ZNF420: variants seen among roughly 807,000 people sequenced by gnomAD.
ZNF420 encodes the protein ATM and p53-associated KZNF protein.
In ZNF420, 31 loss-of-function variants were observed where a neutral mutation model predicts 44.7. The observed-to-expected ratio is 0.69, with a 90% CI of 0.52 to 0.94. The LOEUF is 0.94. Ranked by LOEUF, ZNF420 falls within the 40% of genes least tolerant of loss-of-function variation. The probability of loss-of-function intolerance (pLI) is 0.00; values close to 1 mark genes in which losing one functional copy is unlikely to be tolerated. For synonymous variants in ZNF420, 245 were observed against 267.4 expected, an observed-to-expected ratio of 0.92 and a Z score of 0.82; for missense variants, 681 against 827.9, an observed-to-expected ratio of 0.82 and a Z score of 2.18.
chr19:37,020,855 T>G (rs1309268543), intron 1 of ZNF420, among the ~76,000 whole-genome samples: 2 of 152,108 alleles, frequency 1.3e-5, no homozygotes, highest in Non-Finnish European at 2.9e-5. Context: ...TAGAAACAGA[T>G]AGTAGAATGG....
intron 1 of ZNF420, among the ~76,000 whole-genome samples, chr19:37,030,022 T>A (rs1420856830): frequency 1.3e-5 from 2 of 152,228 alleles, no homozygotes; most frequent in Non-Finnish European, 2.9e-5. Context: ...TTTTATTACC[T>A]ATACTCCTCA....
At chr19:37,060,436 C>T (rs1416280022) in intron 1 of ZNF420, among the ~76,000 whole-genome samples, 1 of 152,176 alleles carries the variant, frequency 6.6e-6, no homozygotes, top group African/African-American at 2.4e-5. Context: ...CTGTATCCTG[C>T]CTGGGCTCTG....
chr19:37,087,291 AAATAAATAAATAAATAAAT>A (rs774741049), intron 2 of ZNF420, among the ~76,000 whole-genome samples: 2,159 of 70,726 alleles, frequency 0.031, 37 homozygotes, highest in African/African-American at 0.077. Flanking sequence ...TCAAAAAAAA[AAATAAATAAATAAATAAAT>A]AAATAAATAA....
Position 37,090,975 on chromosome 19 carries a change from C to T in ZNF420, c.10-20C>T. On this transcript the variant is annotated intron_variant, in intron 3 of 4. Coordinates refer to ENST00000337995, the MANE Select transcript of ZNF420 (RefSeq NM_144689.5). The stretch of plus-strand genomic sequence containing the variant: ...GCATTTTTTAAATTTCCAAAATTAA[C>T]ATTTTGTTTGTTGTTTCAGAAATTA... 1 of 1,586,574 alleles carries T rather than the reference C, an allele frequency of 6.3e-7. No homozygotes were observed. Among genetic ancestry groups the T allele is most frequent in the Non-Finnish European group, 8.5e-7 (1 of 1,170,150 alleles).
chr19:37,008,324 G>A (rs990037379), intron 1 of ZNF420, among the ~76,000 whole-genome samples: 5 of 152,120 alleles, frequency 3.3e-5, no homozygotes, highest in African/African-American at 1.2e-4. Context: ...GTGTGTGTCC[G>A]TGTGAGTGTG....
At chr19:37,068,340 A>T (rs985238110) in intron 1 of ZNF420, among the ~76,000 whole-genome samples, 2 of 152,124 alleles carry the variant, frequency 1.3e-5, no homozygotes, top group African/African-American at 4.8e-5. Context: ...AAATAAAATC[A>T]TAGAAATAAA....
intron 4 of ZNF420, among the ~76,000 whole-genome samples, chr19:37,116,368 C>CAAAAAAAAA (rs57611154): frequency 1.3e-5 from 1 of 75,900 alleles, no homozygotes; most frequent in African/African-American, 4.3e-5. Context: ...GACTCCACCT[C>CAAAAAAAAA]AAAAAAAAAA....
intron 4 of ZNF420, among the ~76,000 whole-genome samples, chr19:37,120,233 G>T (rs967240583): frequency 6.6e-6 from 1 of 152,094 alleles, no homozygotes; most frequent in Non-Finnish European, 1.5e-5. Context: ...ATAAAATACT[G>T]GCAAACCGAA....
intron 4 of ZNF420, among the ~76,000 whole-genome samples, chr19:37,110,641 C>T (rs990669134): frequency 5.9e-5 from 9 of 152,168 alleles, no homozygotes; most frequent in African/African-American, 2.2e-4. Context: ...GTAGCCTGTA[C>T]TACATATGCA....
intron 2 of ZNF420, among the ~76,000 whole-genome samples, chr19:37,081,064 A>AC (rs1968423606): frequency 6.6e-6 from 1 of 151,538 alleles, no homozygotes; most frequent in Admixed American, 6.6e-5. Context: ...CTCAAAAAAA[A>AC]AAAAAAAAAA....
At chr19:37,126,943 G>A (rs572163372) in intron 4 of ZNF420, among the ~76,000 whole-genome samples, 185 bp from the exon 5 acceptor site, 5 of 152,116 alleles carry the variant, frequency 3.3e-5, no homozygotes, top group African/African-American at 4.8e-5. Context: ...GGAAGATACT[G>A]TTTTATGAAA....
At chr19:37,014,613 C>T (rs866130334) in intron 1 of ZNF420, among the ~76,000 whole-genome samples, 3 of 152,206 alleles carry the variant, frequency 2.0e-5, no homozygotes, top group Non-Finnish European at 2.9e-5. Flanking sequence ...CTAGCATTTT[C>T]CTGGGGCTGC....
intron 1 of ZNF420, among the ~76,000 whole-genome samples, chr19:37,029,773 G>T (rs1030265212): frequency 6.6e-6 from 1 of 151,882 alleles, no homozygotes; most frequent in Non-Finnish European, 1.5e-5. Context: ...CTCCCAAAGT[G>T]CTGGGATTAC....
At chr19:37,060,929 T>C (rs1458123882) in intron 1 of ZNF420, among the ~76,000 whole-genome samples, 1 of 152,074 alleles carries the variant, frequency 6.6e-6, no homozygotes, top group African/African-American at 2.4e-5. Flanking sequence ...GCGTCAGGGC[T>C]ACCTGGGCGG....
chr19:37,022,704 T>A (rs2074658448), intron 1 of ZNF420, among the ~76,000 whole-genome samples: 1 of 152,228 alleles, frequency 6.6e-6, no homozygotes, highest in Non-Finnish European at 1.5e-5. Context: ...CATGTTTTTT[T>A]CATGTATTAA....
intron 1 of ZNF420, among the ~76,000 whole-genome samples, chr19:37,050,904 T>A (rs1378456292): frequency 1.3e-5 from 2 of 152,238 alleles, no homozygotes; most frequent in African/African-American, 4.8e-5. Flanking sequence ...AATCAATACC[T>A]AATTTATTGA....
chr19:37,105,637 T>C (rs1457920486), intron 4 of ZNF420, among the ~76,000 whole-genome samples: 1 of 152,216 alleles, frequency 6.6e-6, no homozygotes, highest in Non-Finnish European at 1.5e-5. Context: ...AGTATGGCCA[T>C]TTTACGATAT....
intron 4 of ZNF420, among the ~76,000 whole-genome samples, chr19:37,126,118 C>G: frequency 6.6e-6 from 1 of 152,160 alleles, no homozygotes. Flanking sequence ...TGTAAACGCT[C>G]CAGTGGCTTC....
In ZNF420 at chr19:37,127,535, C is replaced by T; in HGVS notation, c.544C>T (p.Leu182Phe). 2 of 1,613,894 alleles carry T rather than the reference C, an allele frequency of 1.2e-6. No homozygotes were observed. The highest frequency in any genetic ancestry group is 1.7e-6 in the Non-Finnish European group (2 of 1,179,826). ...GAAGGCCTTTAGTCGTGATTCACAA[C>T]TCAGTCTTCATCAGAGACTTCATAC... ...CGKAFSRDSQLSLHQRLHTGE... is the reference protein window; with the variant it reads ...CGKAFSRDSQFSLHQRLHTGE... Residue 182 changes from leucine to phenylalanine, a missense_variant, in exon 5 of 5, where the codon CTC becomes TTC. Physicochemically the swap from Leu to Phe is conservative, Grantham distance 22 (BLOSUM62 0). Transcript: ENST00000337995.
Sources: gnomAD v4.1 joint callset for allele counts (sites outside exome capture counted in the v4.1 genomes callset) on GRCh38, gnomAD v4.1.1 for gene constraint, MANE v1.5 for transcripts, NCBI Gene and HGNC (gene_info 2026-07-23, HGNC 2026-07-21) for gene names.